The following OPCML variants were observed in gnomAD, a reference collection of about 807,000 sequenced individuals.
OPCML encodes the protein opioid-binding protein/cell adhesion molecule.
Under a neutral mutation model 37.8 loss-of-function variants are expected in OPCML, and 13 were observed. That is an observed-to-expected ratio of 0.34 (90% confidence interval 0.22 to 0.55). OPCML has a LOEUF of 0.55. OPCML is among the 20% of genes least tolerant of loss of function. The probability of loss-of-function intolerance (pLI) is 0.91; values close to 1 mark genes in which losing one functional copy is unlikely to be tolerated. For synonymous variants in OPCML, 176 were observed against 168.8 expected (o/e 1.04, Z -0.33); for missense variants, 341 against 435.6 (o/e 0.78, Z 1.93).
chr11:132,750,800 T>C (rs1945804985), intron 2 of OPCML, among the ~76,000 whole-genome samples: 2 of 151,978 alleles, frequency 1.3e-5, no homozygotes, highest in African/African-American at 2.4e-5. Context: ...AAACCTTTTT[T>C]TTTTTTTGAG....
At chr11:133,302,513 G>C (rs1942806399) in intron 1 of OPCML, 1 of 152,182 alleles carries the variant, frequency 6.6e-6, no homozygotes, top group African/African-American at 2.4e-5. Flanking sequence ...GCTTCATACA[G>C]AGAAGCGAAA....
At chr11:133,461,999 A>T (rs1946871479) in intron 1 of OPCML, among the ~76,000 whole-genome samples, 1 of 151,986 alleles carries the variant, frequency 6.6e-6, no homozygotes, top group Non-Finnish European at 1.5e-5. Context: ...AATAATTTTA[A>T]ACAAGAGTGT....
intron 2 of OPCML, among the ~76,000 whole-genome samples, chr11:132,674,215 A>G (rs1942603440): frequency 6.6e-6 from 1 of 152,228 alleles, no homozygotes; most frequent in Admixed American, 6.5e-5. Flanking sequence ...CTATAAATCC[A>G]GAAAAGAAAA....
At chr11:132,572,210 A>AC (rs973398999) in intron 3 of OPCML, among the ~76,000 whole-genome samples, 4 of 149,102 alleles carry the variant, frequency 2.7e-5, no homozygotes, top group African/African-American at 9.9e-5. Flanking sequence ...ATTTTCTCTC[A>AC]CTCCCTTGGT....
chr11:133,025,797 G>A (rs544298078), intron 1 of OPCML, among the ~76,000 whole-genome samples: 44 of 141,546 alleles, frequency 3.1e-4, no homozygotes, highest in Admixed American at 1.2e-3. Flanking sequence ...GCAGTGGTGC[G>A]ATCTTGGCTC....
At chr11:133,181,105 T>C (rs1937806672) in intron 1 of OPCML, among the ~76,000 whole-genome samples, 1 of 152,006 alleles carries the variant, frequency 6.6e-6, no homozygotes, top group African/African-American at 2.4e-5. Flanking sequence ...AATAACAAAA[T>C]TATAGAAAGG....
intron 2 of OPCML, among the ~76,000 whole-genome samples, chr11:132,832,688 T>C (rs1252674730): frequency 6.6e-6 from 1 of 152,244 alleles, no homozygotes; most frequent in Non-Finnish European, 1.5e-5. Context: ...TGTCACTTAC[T>C]AGCTGAGATA....
At chr11:132,552,713 T>C (rs1182088431) in intron 3 of OPCML, among the ~76,000 whole-genome samples, 1 of 151,404 alleles carries the variant, frequency 6.6e-6, no homozygotes, top group Non-Finnish European at 1.5e-5. Context: ...TATCGTTTCC[T>C]GTCTAAAGCA....
At chr11:132,957,235 C>A (rs529130625) in intron 1 of OPCML, among the ~76,000 whole-genome samples, 7 of 152,078 alleles carry the variant, frequency 4.6e-5, no homozygotes, top group Non-Finnish European at 1.0e-4. Context: ...AGGAAGGAGA[C>A]GGAGAATCCA....
chr11:133,166,160 T>A (rs1950205280), intron 1 of OPCML, among the ~76,000 whole-genome samples: 1 of 152,104 alleles, frequency 6.6e-6, no homozygotes, highest in South Asian at 2.1e-4. Context: ...GGGAAAAAAA[T>A]ATAAAAACAT....
chr11:132,684,541 T>G (rs1326937695), intron 2 of OPCML, among the ~76,000 whole-genome samples: 2 of 152,214 alleles, frequency 1.3e-5, no homozygotes, highest in African/African-American at 4.8e-5. Flanking sequence ...TTGGCTTTTA[T>G]GGAGTTTAAT....
intron 2 of OPCML, among the ~76,000 whole-genome samples, chr11:132,919,827 G>A (rs924251318): frequency 6.6e-6 from 1 of 152,224 alleles, no homozygotes; most frequent in Admixed American, 6.5e-5. Context: ...AAGAACATTT[G>A]TAGAAAGAAT....
intron 4 of OPCML, among the ~76,000 whole-genome samples, chr11:132,527,377 A>G (rs1438642336): frequency 6.6e-6 from 1 of 152,172 alleles, no homozygotes; most frequent in Non-Finnish European, 1.5e-5. Flanking sequence ...GTTGATCCAC[A>G]TCCTCACCAA....
intron 1 of OPCML, among the ~76,000 whole-genome samples, chr11:133,039,112 G>A (rs1947837350): frequency 1.3e-5 from 2 of 152,176 alleles, no homozygotes. Flanking sequence ...GGCCTTTTCA[G>A]CGCCTTCAGA....
intron 4 of OPCML, among the ~76,000 whole-genome samples, chr11:132,471,207 C>T (rs910915075): frequency 1.3e-5 from 2 of 152,170 alleles, no homozygotes; most frequent in Non-Finnish European, 2.9e-5. Flanking sequence ...CCAAAAAACA[C>T]AGCTGGGAGG....
intron 1 of OPCML, among the ~76,000 whole-genome samples, chr11:133,127,114 C>T (rs1949529297): frequency 6.6e-6 from 1 of 152,072 alleles, no homozygotes. Context: ...TTAGATCTGC[C>T]CCTTTCCCTC....
chr11:133,278,968 G>A (rs1942066680), intron 1 of OPCML, among the ~76,000 whole-genome samples: 2 of 152,058 alleles, frequency 1.3e-5, no homozygotes, highest in South Asian at 4.1e-4. Flanking sequence ...TACATCCCGA[G>A]CATGTTCAAC....
At chr11:133,035,028 A>C (rs955236657) in intron 1 of OPCML, among the ~76,000 whole-genome samples, 1 of 152,186 alleles carries the variant, frequency 6.6e-6, no homozygotes, top group Admixed American at 6.5e-5. Context: ...TATGACCTTC[A>C]ACACCAGATG....
At chr11:132,472,843 G>A (rs1405620895) in intron 4 of OPCML, among the ~76,000 whole-genome samples, 1 of 152,218 alleles carries the variant, frequency 6.6e-6, no homozygotes, top group Non-Finnish European at 1.5e-5. Flanking sequence ...ACCTCACAGT[G>A]CTGCGCTGAC....
Sources: allele counts gnomAD v4.1 joint callset (sites outside exome capture counted in the v4.1 genomes callset), GRCh38; gene constraint gnomAD v4.1.1; transcripts MANE v1.5; gene names NCBI Gene and HGNC (gene_info 2026-07-23, HGNC 2026-07-21).